The following MMP12 variants were observed in gnomAD, a reference collection of about 807,000 sequenced individuals.
The protein encoded by MMP12 is matrix metallopeptidase 12.
Under a neutral mutation model 45.2 loss-of-function variants are expected in MMP12, and 51 were observed. The ratio of observed to expected loss-of-function variants is 1.13; its 90% CI spans 0.90 to 1.42. The LOEUF (loss-of-function observed/expected upper bound fraction) is 1.42, where lower values mean the gene tolerates loss of function less well. MMP12 is among the 40% of genes most tolerant of loss of function. The pLI is 0.00. For synonymous variants in MMP12, 210 were observed against 193.3 expected (o/e 1.09, Z -0.72); for missense variants, 530 against 570.8 (o/e 0.93, Z 0.73).
intron 9 of MMP12, among the ~76,000 whole-genome samples, chr11:102,863,845 A>G (rs1555008143): frequency 6.6e-6 from 1 of 152,218 alleles, no homozygotes; most frequent in Non-Finnish European, 1.5e-5. Flanking sequence ...TCGCTTGCAC[A>G]TACTGTGTGG....
chr11:102,873,639 A>G (rs897765264), intron 1 of MMP12, among the ~76,000 whole-genome samples: 5 of 152,122 alleles, frequency 3.3e-5, no homozygotes, highest in Admixed American at 3.3e-4. Context: ...AAACAAAGAC[A>G]TGTCATAAAC....
At position 102,874,973 on chromosome 11, in the gene MMP12, G is replaced by T; in HGVS notation, c.-36C>A. On this transcript the variant is annotated 5_prime_UTR_variant, in exon 1 of 10. Transcript: ENST00000571244. The stretch of plus-strand genomic sequence containing the variant: ...TAAACGGATCAATTCAGTTTACTGT[G>T]TTCCTTTCTAGCCTAAGTTCCTGAA... The T allele has an allele frequency of 7.2e-7, 1 of 1,393,662 alleles. No homozygotes were observed. Among genetic ancestry groups the T allele is most frequent in the Non-Finnish European group, 1.0e-6 (1 of 1,002,008 alleles). The allele number at this position is 1,393,662 out of a possible 1,614,324, so 86.3% of individuals were successfully genotyped here. A position where few individuals can be genotyped will look rare whatever the true frequency, so the allele number is the denominator to read the frequency against.
At chr11:102,869,397 T>C (rs1238016691) in intron 4 of MMP12, among the ~76,000 whole-genome samples, 1 of 152,108 alleles carries the variant, frequency 6.6e-6, no homozygotes, top group Non-Finnish European at 1.5e-5. Context: ...AAACCTGAAC[T>C]ATTCTCAATT....
rs142537097 is a variant in MMP12 at position 102,872,719 on chromosome 11, G to A, written c.350+146C>T. 76 of 927,544 alleles carry A rather than the reference G, an allele frequency of 8.2e-5. No individual in the cohort carries two copies. In the African/African-American group the frequency reaches 1.1e-3, roughly 14 times the overall value. The allele number at this position is 927,544 out of a possible 1,614,324, so 57.5% of individuals were successfully genotyped here. ...TGAGTGAACAATTCTTCCTTCTAGA[G>A]AAAATGAATTTTAGCAGAGATAGCA... On this transcript the variant is annotated intron_variant, in intron 2 of 9. Coordinates refer to ENST00000571244, the MANE Select transcript of MMP12 (RefSeq NM_002426.6).
At position 102,865,896 on chromosome 11, in the gene MMP12, G is replaced by A; in HGVS notation, c.1085C>T (p.Pro362Leu). The A allele has an allele frequency of 1.2e-6, 2 of 1,612,698 alleles. No individual in the cohort carries two copies. Among genetic ancestry groups the A allele is most frequent in the Non-Finnish European group, 1.7e-6 (2 of 1,179,112 alleles). Reference sequence around the variant, plus strand: ...AGAATGTATGCTCTTGGGATAATTTGGCTCTGGTCTTAAATTGCTAATTAA... The same window carrying A: ...AGAATGTATGCTCTTGGGATAATTTAGCTCTGGTCTTAAATTGCTAATTAA... ...YWLISNLRPE[P>L]NYPKSIHSFG... Residue 362 changes from proline to leucine, a missense_variant, in exon 8 of 10, where the codon CCA (proline) becomes CTA (leucine). Physicochemically the swap from Pro to Leu is moderately conservative, Grantham distance 98 (BLOSUM62 -3). Transcript: ENST00000571244. This position sits in a 1 kb window ranked among gnomAD's most constrained non-coding sequence, Gnocchi z 4.1.
Position 102,873,009 on chromosome 11 carries a change from T to C in MMP12, c.206A>G (p.His69Arg). The change falls in exon 2 of 10, where the codon CAC (histidine) becomes CGC (arginine). Residue 69 changes from histidine to arginine, a missense_variant. By Grantham distance (29) the His-to-Arg change is conservative. Coordinates refer to ENST00000571244, the MANE Select transcript of MMP12 (RefSeq NM_002426.6). Reference sequence around the variant, plus strand: ...CCCGGTCACTTTCAGACCCAAGAAGTGCTGCATTTCTTGGATTTTTTCCTT... The same window carrying C: ...CCCGGTCACTTTCAGACCCAAGAAGCGCTGCATTTCTTGGATTTTTTCCTT... ...LMKEKIQEMQ[H>R]FLGLKVTGQL... 6.2e-7 allele frequency: 1 copy of C among 1,613,572 alleles called. No individual in the cohort carries two copies. The highest frequency in any genetic ancestry group is 1.1e-5 in the South Asian group (1 of 90,974).
chr11:102,869,076 C>A (rs1026341602), intron 4 of MMP12, among the ~76,000 whole-genome samples: 1 of 152,144 alleles, frequency 6.6e-6, no homozygotes, highest in African/African-American at 2.4e-5. Flanking sequence ...GGGTATGTCC[C>A]TTCTCTCAAA....
rs182509981 is a variant in MMP12, at chr11:102,864,023, G to A, written c.1312+123C>T. 3.5e-5 allele frequency: 25 copies of A among 714,814 alleles called. 1 individual carries two copies. Among genetic ancestry groups the A allele is most frequent in the Middle Eastern group, 3.7e-4 (1 of 2,680 alleles). The allele number at this position is 714,814 out of a possible 1,614,324, so 44.3% of individuals were successfully genotyped here. ...ACGTACAGTGTGAGTTTTTCCTTGC[G>A]GCCCTATGGGGAACTGCAGAAACCT... is the stretch of plus-strand genomic sequence containing the variant. On this transcript the variant is annotated intron_variant, in intron 9 of 9. Transcript: ENST00000571244.
intron 9 of MMP12, among the ~76,000 whole-genome samples, chr11:102,863,409 C>T (rs28381699): frequency 1.3e-5 from 2 of 152,152 alleles, no homozygotes; most frequent in East Asian, 1.9e-4. Flanking sequence ...CATCACAAGA[C>T]CTCATCTCTA....
In MMP12 at chr11:102,874,960, T is replaced by C; in HGVS notation, c.-23A>G. 6.9e-7 allele frequency: 1 copy of C among 1,448,836 alleles called. No individual in the cohort carries two copies. The highest frequency in any genetic ancestry group is 9.5e-7 in the Non-Finnish European group (1 of 1,048,668). The allele number at this position is 1,448,836 out of a possible 1,614,324, so 89.7% of individuals were successfully genotyped here. A position where few individuals can be genotyped will look rare whatever the true frequency, so the allele number is the denominator to read the frequency against. On this transcript the variant is annotated 5_prime_UTR_variant, in exon 1 of 10. Transcript: ENST00000571244. ...CATTGTAAACTTCTAAACGGATCAA[T>C]TCAGTTTACTGTGTTCCTTTCTAGC...
rs752906768 is a variant in MMP12 at position 102,865,386 on chromosome 11, G to C, written c.1205+390C>G. 5.3e-5 allele frequency among the ~76,000 whole-genome samples: 8 copies of C among 152,152 alleles called. No homozygotes were observed. Among genetic ancestry groups the C allele is most frequent in the Non-Finnish European group, 1.0e-4 (7 of 68,028 alleles). On this transcript the variant is annotated intron_variant, in intron 8 of 9. Transcript: ENST00000571244. This position sits in a 1 kb window ranked among gnomAD's most constrained non-coding sequence, Gnocchi z 4.1. ...CTGACCTCCTGTCATTTAGAGGATG[G>C]TTGTCTCATTTTGTCTTTTGAATCC...
At chr11:102,866,176 T>C in intron 7 of MMP12, 139 bp downstream of exon 7, 1 of 980,352 alleles carries the variant, frequency 1.0e-6, no homozygotes, top group Non-Finnish European at 1.5e-6. Flanking sequence ...GCTATTTTAG[T>C]TTACACTTCA....
At position 102,865,702 on chromosome 11, in the gene MMP12, G is replaced by C; in HGVS notation, c.1205+74C>G. ...AGCTTTGGGAATTTGCGCAGAAAAT[G>C]TGCCTTCTAGAAAGCCTCATTCCAT... is the stretch of plus-strand genomic sequence containing the variant. On this transcript the variant is annotated intron_variant, in intron 8 of 9. Coordinates refer to ENST00000571244, the MANE Select transcript of MMP12 (RefSeq NM_002426.6). The surrounding 1 kb of genome is among the most constrained non-coding windows in gnomAD (Gnocchi z 4.1). The C allele has an allele frequency of 7.8e-7, 1 of 1,283,066 alleles. No individual in the cohort carries two copies. Among genetic ancestry groups the C allele is most frequent in the Non-Finnish European group, 1.1e-6 (1 of 946,918 alleles). 79.5% of individuals were successfully genotyped at this position (1,283,066 alleles called of 1,614,324 possible).
In MMP12 at chr11:102,874,968, A is replaced by G. The variant is rs1555009906; in HGVS notation, c.-31T>C. On this transcript the variant is annotated 5_prime_UTR_variant, in exon 1 of 10. Coordinates refer to ENST00000571244, the MANE Select transcript of MMP12 (RefSeq NM_002426.6). ...ACTTCTAAACGGATCAATTCAGTTT[A>G]CTGTGTTCCTTTCTAGCCTAAGTTC... 5 of 1,429,768 alleles carry G rather than the reference A, an allele frequency of 3.5e-6. No homozygotes were observed. In the Admixed American group the frequency reaches 9.8e-5, roughly 28 times the overall value. 88.6% of individuals were successfully genotyped at this position (1,429,768 alleles called of 1,614,324 possible). A position where few individuals can be genotyped will look rare whatever the true frequency, so the allele number is the denominator to read the frequency against.
At position 102,868,086 on chromosome 11, in the gene MMP12, CAA is replaced by C; in HGVS notation, c.626-19_626-18del. On this transcript the variant is annotated intron_variant, in intron 4 of 9. Transcript: ENST00000571244. Reference sequence around the variant, plus strand: ...AGTTTGTGCCTAAGAAGAAACCAACCAAAAGACAGCTGTGAAATGCATTATCA... The same window carrying C: ...AGTTTGTGCCTAAGAAGAAACCAACCAAGACAGCTGTGAAATGCATTATCA... 6.3e-7 allele frequency: 1 copy of C among 1,576,192 alleles called. No individual in the cohort carries two copies. Among genetic ancestry groups the C allele is most frequent in the Non-Finnish European group, 8.6e-7 (1 of 1,157,618 alleles).
chr11:102,863,324 C>T (rs28381700), intron 9 of MMP12, 124 bp from the exon 10 acceptor site: 7,793 of 552,728 alleles, frequency 0.014, 102 homozygotes, highest in Middle Eastern at 0.057. Flanking sequence ...GTGGTTCATG[C>T]CCTTAACTAC....
At chr11:102,869,958 C>T (rs782563069) in intron 4 of MMP12, among the ~76,000 whole-genome samples, 4 of 152,136 alleles carry the variant, frequency 2.6e-5, no homozygotes, top group East Asian at 1.9e-4. Flanking sequence ...ACAACAAAAA[C>T]GGCTGAAAAT....
chr11:102,863,303 A>G, intron 9 of MMP12, 103 bp from the exon 10 acceptor site: 1 of 677,432 alleles, frequency 1.5e-6, no homozygotes. Flanking sequence ...AGAATAGATG[A>G]CCTATGGGCT....
Position 102,867,967 on chromosome 11 carries a change from A to G in MMP12, c.728T>C (p.Val243Ala). ...KAVMFPTYKY[V>A]DINTFRLSAD... is the part of the protein sequence containing the mutation. ...AGAGAGGCGAAATGTGTTGATGTCA[A>G]CATATTTGTAGGTGGGGAACATTAC... Residue 243 changes from valine (V) to alanine (A), a missense_variant, in exon 5 of 10, where the codon GTT becomes GCT. By Grantham distance (64) the Val-to-Ala change is moderately conservative. Transcript: ENST00000571244. 1.9e-6 allele frequency: 3 copies of G among 1,609,712 alleles called. No individual in the cohort carries two copies. Among genetic ancestry groups the G allele is most frequent in the Non-Finnish European group, 2.5e-6 (3 of 1,178,172 alleles).
Sources: allele counts gnomAD v4.1 joint callset (sites outside exome capture counted in the v4.1 genomes callset), GRCh38; gene constraint gnomAD v4.1.1; non-coding constraint Gnocchi (gnomAD v3.1); transcripts MANE v1.5; gene names NCBI Gene and HGNC (gene_info 2026-07-23, HGNC 2026-07-21).